CACNB2: variants seen among roughly 807,000 people sequenced by gnomAD.
CACNB2 encodes voltage-dependent L-type calcium channel subunit beta-2.
Under a neutral mutation model 73.3 loss-of-function variants are expected in CACNB2, and 42 were observed. The observed-to-expected ratio is 0.57, with a 90% CI of 0.45 to 0.74. CACNB2 has a LOEUF of 0.74. Ranked by LOEUF, CACNB2 falls within the 30% of genes least tolerant of loss-of-function variation. The pLI is 0.00. For synonymous variants in CACNB2, 348 were observed against 310.3 expected (o/e 1.12, Z -1.28); for missense variants, 940 against 853.0 (o/e 1.10, Z -1.27).
chr10:18,527,745 T>A, intron 10 of CACNB2, 48 bp downstream of exon 10: 1 of 1,155,386 alleles, frequency 8.7e-7, no homozygotes, highest in Non-Finnish European at 1.3e-6. Flanking sequence ...CCTCTCCCGA[T>A]GTTGATGATG....
At chr10:18,454,486 A>G (rs904407796) in intron 3 of CACNB2, among the ~76,000 whole-genome samples, 15 of 151,852 alleles carry the variant, frequency 9.9e-5, no homozygotes, top group Admixed American at 7.3e-4. Context: ...TCTCTACTTT[A>G]TACTCAAAAT....
chr10:18,221,142 AG>A (rs1242216664), intron 2 of CACNB2, among the ~76,000 whole-genome samples: 1 of 152,172 alleles, frequency 6.6e-6, no homozygotes, highest in East Asian at 1.9e-4. Context: ...CTTTGGTAAG[AG>A]GTTCTTTTGA....
At chr10:18,217,995 T>C (rs1388930294) in intron 2 of CACNB2, among the ~76,000 whole-genome samples, 1 of 152,170 alleles carries the variant, frequency 6.6e-6, no homozygotes, top group Middle Eastern at 3.2e-3. Context: ...TTCGGTATAA[T>C]ACTGGGTCAT....
intron 2 of CACNB2, among the ~76,000 whole-genome samples, chr10:18,190,911 G>T (rs2034365987): frequency 6.6e-6 from 1 of 152,234 alleles, no homozygotes; most frequent in South Asian, 2.1e-4. Context: ...CAAGGGCAAT[G>T]GGAAACTAGA....
At chr10:18,300,713 G>A (rs2039474507) in intron 2 of CACNB2, among the ~76,000 whole-genome samples, 2 of 152,154 alleles carry the variant, frequency 1.3e-5, no homozygotes, top group African/African-American at 2.4e-5. Context: ...GCCGTGCATG[G>A]TGGTGGGCAC....
intron 2 of CACNB2, among the ~76,000 whole-genome samples, chr10:18,268,288 A>G (rs1369922438): frequency 1.3e-5 from 2 of 152,242 alleles, no homozygotes; most frequent in Non-Finnish European, 2.9e-5. Flanking sequence ...GAGGAATTGA[A>G]CCTTTCATCT....
chr10:18,340,739 G>C, intron 2 of CACNB2: 3 of 1,483,972 alleles, frequency 2.0e-6, no homozygotes, highest in Non-Finnish European at 8.9e-7. Context: ...GAGAGCTGTT[G>C]TGATCCGACG....
chr10:18,540,384 G>C lies in CACNB2; in HGVS notation c.*660G>C, dbSNP rs2054008389. The C allele has an allele frequency of 6.6e-6, 1 of 152,198 alleles. No individual in the cohort carries two copies. The highest frequency in any genetic ancestry group is 1.5e-5 in the Non-Finnish European group (1 of 67,984). The allele number at this position is 152,198 out of a possible 1,614,324, so 9.4% of individuals were successfully genotyped here. A position where few individuals can be genotyped will look rare whatever the true frequency, so the allele number is the denominator to read the frequency against. On this transcript the variant is annotated 3_prime_UTR_variant, in exon 14 of 14. Transcript: ENST00000324631. ...CACTATTTTAGAGTCTTAATGCCAAGTCAGCAGATTTGCTTTATGAATTAC... is the reference window on the plus strand; with the variant it reads ...CACTATTTTAGAGTCTTAATGCCAACTCAGCAGATTTGCTTTATGAATTAC...
Position 18,518,374 on chromosome 10 carries a change from G to A in CACNB2, c.843G>A (p.Met281Ile). 6.2e-7 allele frequency: 1 copy of A among 1,613,792 alleles called. No individual in the cohort carries two copies. Among genetic ancestry groups the A allele is most frequent in the South Asian group, 1.1e-5 (1 of 91,078 alleles). ...HTPPYDVVPS[M>I]RPVVLVGPSL... ...CTCCGTATGATGTGGTACCTTCCAT[G>A]CGACCAGTGGTCCTAGTGGGCCCTT... is the stretch of plus-strand genomic sequence containing the variant. Residue 281 changes from methionine (M) to isoleucine (I), a missense_variant, in exon 8 of 14, where the codon ATG becomes ATA. By Grantham distance (10) the Met-to-Ile change is conservative. Transcript: ENST00000324631.
chr10:18,464,097 A>G (rs1235842505), intron 3 of CACNB2, among the ~76,000 whole-genome samples: 1 of 150,568 alleles, frequency 6.6e-6, no homozygotes, highest in Non-Finnish European at 1.5e-5. Flanking sequence ...CCTACCTCCA[A>G]CTTGACATGT....
chr10:18,480,838 A>G (rs1251457251), intron 3 of CACNB2, among the ~76,000 whole-genome samples: 1 of 152,226 alleles, frequency 6.6e-6, no homozygotes, highest in Non-Finnish European at 1.5e-5. Context: ...TCAGACGTAA[A>G]CACTTTTTCT....
At chr10:18,220,201 G>GTGTATATATATA (rs1251166931) in intron 2 of CACNB2, among the ~76,000 whole-genome samples, 26 of 23,310 alleles carry the variant, frequency 1.1e-3, no homozygotes, top group East Asian at 1.4e-3. Context: ...ATATGTGTGT[G>GTGTATATATATA]TATATATATA....
intron 2 of CACNB2, among the ~76,000 whole-genome samples, chr10:18,191,049 A>C (rs2034373237): frequency 1.3e-5 from 2 of 152,256 alleles, no homozygotes; most frequent in South Asian, 4.1e-4. Flanking sequence ...ACAGTAAACC[A>C]GGTGCGGGAC....
intron 3 of CACNB2, among the ~76,000 whole-genome samples, chr10:18,433,178 A>G (rs192498931): frequency 1.3e-5 from 2 of 152,118 alleles, no homozygotes; most frequent in African/African-American, 4.8e-5. Context: ...CAGTATGCCA[A>G]TGCCACATGC....
intron 6 of CACNB2, among the ~76,000 whole-genome samples, chr10:18,510,212 G>C (rs747932606): frequency 2.0e-5 from 3 of 152,200 alleles, no homozygotes; most frequent in Non-Finnish European, 4.4e-5. Flanking sequence ...CTCATGTCCA[G>C]ATACAGGTAA....
chr10:18,426,457 T>C (rs1166715005), intron 3 of CACNB2, among the ~76,000 whole-genome samples: 2 of 152,242 alleles, frequency 1.3e-5, no homozygotes, highest in African/African-American at 4.8e-5. Flanking sequence ...TCAGTCTTTC[T>C]AAACTTATTA....
chr10:18,252,787 A>G (rs947770144), intron 2 of CACNB2, among the ~76,000 whole-genome samples: 5 of 152,228 alleles, frequency 3.3e-5, no homozygotes, highest in African/African-American at 1.2e-4. Flanking sequence ...AAGAAAGCGC[A>G]AGGAAAAAGT....
intron 2 of CACNB2, among the ~76,000 whole-genome samples, chr10:18,278,687 C>G (rs11013305): frequency 6.6e-6 from 1 of 151,792 alleles, no homozygotes; most frequent in South Asian, 2.1e-4. Context: ...CTTTTCACAG[C>G]CTATTTTGGG....
At chr10:18,340,169 A>G (rs575588754) in intron 2 of CACNB2, among the ~76,000 whole-genome samples, 2 of 152,188 alleles carry the variant, frequency 1.3e-5, no homozygotes, top group Non-Finnish European at 2.9e-5. Context: ...TAATACCTAT[A>G]TATATACATA....
Sources: gnomAD v4.1 joint callset for allele counts (sites outside exome capture counted in the v4.1 genomes callset) on GRCh38, gnomAD v4.1.1 for gene constraint, MANE v1.5 for transcripts, NCBI Gene and HGNC (gene_info 2026-07-23, HGNC 2026-07-21) for gene names.